The following ADGRB1 variants were observed in gnomAD, a reference collection of about 807,000 sequenced individuals.
ADGRB1 encodes adhesion G protein-coupled receptor B1, also known as brain-specific angiogenesis inhibitor 1.
In ADGRB1, 36 loss-of-function variants were observed where a neutral mutation model predicts 175.7. That is an observed-to-expected ratio of 0.20 (90% CI 0.16 to 0.27). The LOEUF is 0.27. Ranked by LOEUF, ADGRB1 falls within the 10% of genes least tolerant of loss-of-function variation. ADGRB1 has a pLI of 1.00. For missense variants in ADGRB1, 1,731 were observed against 2,255.3 expected (o/e 0.77, Z 4.71); for synonymous variants, 1,054 against 979.4 (o/e 1.08, Z -1.42).
chr8:142,541,904 A>T, intron 27 of ADGRB1, 37 bp from the exon 28 acceptor site: 1 of 1,510,948 alleles, frequency 6.6e-7, no homozygotes, highest in Non-Finnish European at 8.8e-7. Context: ...CCTCACCCCC[A>T]CACCTGTCCC....
chr8:142,451,196 G>C (rs1322949739), intron 1 of ADGRB1, among the ~76,000 whole-genome samples: 1 of 152,138 alleles, frequency 6.6e-6, no homozygotes, highest in African/African-American at 2.4e-5. Flanking sequence ...CGATGCGACC[G>C]GGAGGGCTTG....
Position 142,464,625 on chromosome 8 carries a change from C to A in ADGRB1, c.427C>A (p.Leu143Met). The change falls in exon 2 of 31, where the codon CTG (leucine) becomes ATG (methionine). Residue 143 changes from leucine to methionine, a missense_variant. Around this residue, in one of 8 missense-constraint regions of ADGRB1, gnomAD observed 383 missense variants for 383.1 expected, o/e 1.00. Coordinates refer to ENST00000517894, the MANE Select transcript of ADGRB1 (RefSeq NM_001702.3). ...LAFLQASKQF[L>M]QMRRQQPPQH... ...CTTCCTGCAGGCCAGCAAGCAGTTC[C>A]TGCAGATGCGGCGCCAGCAGCCGCC... 1.3e-6 allele frequency: 2 copies of A among 1,523,308 alleles called. No homozygotes were observed. Among genetic ancestry groups the A allele is most frequent in the Non-Finnish European group, 1.8e-6 (2 of 1,139,948 alleles). 94.4% of individuals were successfully genotyped at this position (1,523,308 alleles called of 1,614,324 possible).
rs916871289 is a variant in ADGRB1 at position 142,509,829 on chromosome 8, C to G, written c.2676-1103C>G. Among the ~76,000 whole-genome samples the G allele has an allele frequency of 9.2e-5, 14 of 152,224 alleles. No homozygotes were observed. In the East Asian group the frequency reaches 1.2e-3, roughly 13 times the overall value. On this transcript the variant is annotated intron_variant, in intron 17 of 30. Coordinates refer to ENST00000517894, the MANE Select transcript of ADGRB1 (RefSeq NM_001702.3). ...GAGCTGCACCCACAAGCTCTTGGGG[C>G]TCATCTTTTCAGGAGGCCTGGAGTC...
rs1319965632 is a variant in ADGRB1, at chr8:142,543,973, G to T, written c.4558-247G>T. Among the ~76,000 whole-genome samples the T allele has an allele frequency of 6.6e-6, 1 of 152,104 alleles. No homozygotes were observed. The highest frequency in any genetic ancestry group is 1.5e-5 in the Non-Finnish European group (1 of 68,004). ...TGGGGTGGAGCCAATCCAGGGCAGGGTCCCCACAGCCTGACCCGACCGTGG... is the reference window on the plus strand; with the variant it reads ...TGGGGTGGAGCCAATCCAGGGCAGGTTCCCCACAGCCTGACCCGACCGTGG... On this transcript the variant is annotated intron_variant, in intron 30 of 30. Coordinates refer to ENST00000517894, the MANE Select transcript of ADGRB1 (RefSeq NM_001702.3). The surrounding 1 kb of genome is among the most constrained non-coding windows in gnomAD (Gnocchi z 4.4).
Position 142,518,192 on chromosome 8 carries a change from T to A in ADGRB1, c.2872T>A (p.Ser958Thr), listed in dbSNP as rs1282628091. 1 of 1,613,784 alleles carries A rather than the reference T, an allele frequency of 6.2e-7. No homozygotes were observed. Among genetic ancestry groups the A allele is most frequent in the South Asian group, 1.1e-5 (1 of 91,080 alleles). Residue 958 changes from serine (S) to threonine (T), a missense_variant, in exon 19 of 31, where the codon TCC becomes ACC. Physicochemically the swap from Ser to Thr is moderately conservative, Grantham distance 58. Around this residue, in one of 8 missense-constraint regions of ADGRB1, gnomAD observed 301 missense variants for 488.4 expected, o/e 0.62. Coordinates refer to ENST00000517894, the MANE Select transcript of ADGRB1 (RefSeq NM_001702.3). ...SVTLIVGCGV[S>T]SLTLLMLVII... The stretch of plus-strand genomic sequence containing the variant: ...GACGCTCATCGTGGGCTGTGGCGTG[T>A]CCTCTCTCACCCTGCTCATGCTGGT...
intron 23 of ADGRB1, 135 bp downstream of exon 23, chr8:142,524,439 C>A: frequency 9.7e-7 from 1 of 1,027,342 alleles, no homozygotes; most frequent in Non-Finnish European, 1.4e-6. Flanking sequence ...GCCCTCATCA[C>A]CAGGGGGTGG....
intron 4 of ADGRB1, 93 bp downstream of exon 4, chr8:142,476,788 A>G: frequency 8.1e-7 from 1 of 1,227,098 alleles, no homozygotes; most frequent in Non-Finnish European, 1.1e-6. Context: ...TAACTTGAAT[A>G]ACATGCCATA....
chr8:142,515,631 C>T (rs1208511705), intron 18 of ADGRB1, among the ~76,000 whole-genome samples: 1 of 152,224 alleles, frequency 6.6e-6, no homozygotes, highest in Non-Finnish European at 1.5e-5. Flanking sequence ...ACTGGGGTCA[C>T]CCTGTCTCCC....
At chr8:142,499,217 T>C (rs1232724194) in intron 17 of ADGRB1, among the ~76,000 whole-genome samples, 1 of 152,198 alleles carries the variant, frequency 6.6e-6, no homozygotes, top group Non-Finnish European at 1.5e-5. Context: ...TGTGGGTGAC[T>C]TTCTCCAGCC....
intron 1 of ADGRB1, among the ~76,000 whole-genome samples, chr8:142,458,581 T>G (rs1839804209): frequency 6.6e-6 from 1 of 152,174 alleles, no homozygotes. Context: ...GGCTAGCTCC[T>G]GCTGCCCCAC....
chr8:142,521,055 GC>G, intron 20 of ADGRB1, 130 bp downstream of exon 20: 3 of 853,200 alleles, frequency 3.5e-6, no homozygotes, highest in Non-Finnish European at 5.4e-6. Context: ...GGAGGAGGCT[GC>G]CCCAGCTACA....
chr8:142,520,470 GTGATGGTTGTGTGATAATGGTGATGGTGA>G (rs1369262880), intron 19 of ADGRB1, among the ~76,000 whole-genome samples: 14 of 4,132 alleles, frequency 3.4e-3, no homozygotes, highest in Non-Finnish European at 9.9e-3. Flanking sequence ...GGTGGTGGTG[GTGATGGTTGTGTGATAATGGTGATGGTGA>G]TGATGGTGAT....
In ADGRB1 at chr8:142,464,487, G is replaced by A; in HGVS notation, c.289G>A (p.Gly97Ser). 1.3e-6 allele frequency: 2 copies of A among 1,581,418 alleles called. No individual in the cohort carries two copies. The highest frequency in any genetic ancestry group is 1.7e-6 in the Non-Finnish European group (2 of 1,168,468). ...GGCGCCCGTGCCCTGCAGCGGCCCC[G>A]GCCGCGTGCGCACCTACCAGTTCGA... ...AKAPVPCSGP[G>S]RVRTYQFDSF... Residue 97 changes from glycine to serine, a missense_variant, in exon 2 of 31, where the codon GGC becomes AGC. Gly to Ser is a moderately conservative substitution (Grantham distance 56, BLOSUM62 0). Coordinates refer to ENST00000517894, the MANE Select transcript of ADGRB1 (RefSeq NM_001702.3).
chr8:142,512,605 C>T (rs1843165883), intron 18 of ADGRB1, among the ~76,000 whole-genome samples: 1 of 152,210 alleles, frequency 6.6e-6, no homozygotes, highest in Non-Finnish European at 1.5e-5. Context: ...TTGTCTCTGA[C>T]GAACTGTGAC....
At chr8:142,532,351 C>T (rs1330309737) in intron 24 of ADGRB1, among the ~76,000 whole-genome samples, 3 of 152,208 alleles carry the variant, frequency 2.0e-5, no homozygotes, top group East Asian at 1.9e-4. Context: ...GGCTCAGAGG[C>T]CACGCGCGGA....
At chr8:142,491,707 G>A (rs1841990199) in intron 17 of ADGRB1, among the ~76,000 whole-genome samples, 1 of 152,156 alleles carries the variant, frequency 6.6e-6, no homozygotes, top group South Asian at 2.1e-4. Context: ...AGTCCCTCCT[G>A]GCTGCTCTGA....
At position 142,492,968 on chromosome 8, in the gene ADGRB1, A is replaced by C. The variant is rs1483947752; in HGVS notation, c.2675+2153A>C. Among the ~76,000 whole-genome samples, 1 of 150,638 alleles carries C rather than the reference A, an allele frequency of 6.6e-6. No individual in the cohort carries two copies. The highest frequency in any genetic ancestry group is 1.5e-5 in the Non-Finnish European group (1 of 67,606). Reference sequence around the variant, plus strand: ...CTCTCGGGGGGCTGCGCCCTGGTTCACTCAACCAGCCCCTGCTGGTGGCCT... The same window carrying C: ...CTCTCGGGGGGCTGCGCCCTGGTTCCCTCAACCAGCCCCTGCTGGTGGCCT... On this transcript the variant is annotated intron_variant, in intron 17 of 30. Coordinates refer to ENST00000517894, the MANE Select transcript of ADGRB1 (RefSeq NM_001702.3). This position sits in a 1 kb window ranked among gnomAD's most constrained non-coding sequence, Gnocchi z 4.4.
chr8:142,506,219 G>A (rs1009323773), intron 17 of ADGRB1, among the ~76,000 whole-genome samples: 1 of 152,218 alleles, frequency 6.6e-6, no homozygotes, highest in South Asian at 2.1e-4. Flanking sequence ...CAATGGTGGC[G>A]GTCACTGGTG....
chr8:142,503,738 C>T (rs2131995146), intron 17 of ADGRB1, among the ~76,000 whole-genome samples: 1 of 152,280 alleles, frequency 6.6e-6, no homozygotes, highest in Admixed American at 6.5e-5. Context: ...TGGCAGACAG[C>T]CTGGGGCCTC....
Sources: gnomAD v4.1 joint callset for allele counts (sites outside exome capture counted in the v4.1 genomes callset) on GRCh38, gnomAD v4.1.1 for gene constraint, gnomAD v4.1.1 regional missense constraint, Gnocchi (gnomAD v3.1) non-coding constraint, MANE v1.5 for transcripts, NCBI Gene and HGNC (gene_info 2026-07-23, HGNC 2026-07-21) for gene names.